GRID2: variants seen among roughly 807,000 people sequenced by gnomAD.
GRID2 encodes glutamate receptor ionotropic, delta-2.
GRID2 carries 33 observed loss-of-function variants against 114.8 expected under a neutral mutation model. That is an observed-to-expected ratio of 0.29 (90% CI 0.22 to 0.38). GRID2 has a LOEUF of 0.38. Among genes scored for constraint, GRID2 ranks in the 10% least tolerant of loss-of-function variants. The pLI is 1.00. For missense variants in GRID2, 1,184 were observed against 1,257.7 expected, an observed-to-expected ratio of 0.94 and a Z score of 0.89; for synonymous variants, 505 against 449.9, an observed-to-expected ratio of 1.12 and a Z score of -1.55.
intron 1 of GRID2, among the ~76,000 whole-genome samples, chr4:92,334,689 A>G (rs950402851): frequency 3.3e-5 from 5 of 152,178 alleles, no homozygotes; most frequent in African/African-American, 1.2e-4. Context: ...TCAGCTCTTA[A>G]AGGTCCCACC....
At chr4:93,179,632 A>G (rs1739694008) in intron 4 of GRID2, among the ~76,000 whole-genome samples, 1 of 152,222 alleles carries the variant, frequency 6.6e-6, no homozygotes, top group Admixed American at 6.6e-5. Flanking sequence ...AGTACCTTGT[A>G]CATATTAACT....
chr4:92,924,636 T>C (rs1170607014), intron 2 of GRID2, among the ~76,000 whole-genome samples: 1 of 152,116 alleles, frequency 6.6e-6, no homozygotes, highest in Non-Finnish European at 1.5e-5. Flanking sequence ...TGAGGTTATA[T>C]TTTTCTAGTT....
At chr4:93,744,836 A>C (rs936039768) in intron 14 of GRID2, among the ~76,000 whole-genome samples, 3 of 152,170 alleles carry the variant, frequency 2.0e-5, no homozygotes, top group Non-Finnish European at 4.4e-5. Flanking sequence ...CCTCATTGTT[A>C]TCTTACTTCA....
At chr4:93,588,428 T>C (rs1737763059) in intron 13 of GRID2, among the ~76,000 whole-genome samples, 1 of 152,152 alleles carries the variant, frequency 6.6e-6, no homozygotes, top group Non-Finnish European at 1.5e-5. Flanking sequence ...ATAGATAACC[T>C]ATAAGCCAAT....
At chr4:92,464,091 G>T (rs534947500) in intron 1 of GRID2, among the ~76,000 whole-genome samples, 1 of 151,874 alleles carries the variant, frequency 6.6e-6, no homozygotes, top group South Asian at 2.1e-4. Flanking sequence ...CTAAATTGTA[G>T]AGCATGTAAT....
chr4:93,617,169 A>C (rs145382221), intron 13 of GRID2, among the ~76,000 whole-genome samples: 4 of 152,224 alleles, frequency 2.6e-5, no homozygotes, highest in African/African-American at 9.6e-5. Context: ...AGAGGCCAAC[A>C]CGTCTGTTAG....
intron 8 of GRID2, among the ~76,000 whole-genome samples, chr4:93,260,513 A>C (rs558720799): frequency 2.6e-5 from 4 of 151,800 alleles, no homozygotes; most frequent in African/African-American, 9.6e-5. Context: ...AAAACAATTT[A>C]AGTTAATTTA....
At chr4:93,106,630 T>C (rs963815337) in intron 3 of GRID2, among the ~76,000 whole-genome samples, 6 of 152,188 alleles carry the variant, frequency 3.9e-5, no homozygotes, top group Non-Finnish European at 8.8e-5. Context: ...GAGTACTCTC[T>C]TTTTTAATGA....
At chr4:92,816,632 G>A (rs748298349) in intron 2 of GRID2, among the ~76,000 whole-genome samples, 30 of 152,060 alleles carry the variant, frequency 2.0e-4, no homozygotes, top group African/African-American at 5.1e-4. Context: ...GAAATGATGC[G>A]TAAATATTTG....
At chr4:92,444,936 T>C (rs1164510183) in intron 1 of GRID2, among the ~76,000 whole-genome samples, 1 of 152,184 alleles carries the variant, frequency 6.6e-6, no homozygotes, top group East Asian at 1.9e-4. Flanking sequence ...GAGAAATTAT[T>C]GGCTTAACAA....
chr4:93,665,432 T>C (rs1723864868), intron 14 of GRID2, among the ~76,000 whole-genome samples: 1 of 152,218 alleles, frequency 6.6e-6, no homozygotes, highest in African/African-American at 2.4e-5. Flanking sequence ...GTAGTGTTTT[T>C]ACTTCATTCA....
rs139108486 is a variant in GRID2, at chr4:93,550,856, A to G, written c.2193+35445A>G. Reference sequence around the variant, plus strand: ...AATATTTGAGATGCATATATTTTTTAGTGTAGTAATTTTTTCAAATTTTGT... The same window carrying G: ...AATATTTGAGATGCATATATTTTTTGGTGTAGTAATTTTTTCAAATTTTGT... On this transcript the variant is annotated intron_variant, in intron 13 of 15. Transcript: ENST00000282020. Among the ~76,000 whole-genome samples the G allele has an allele frequency of 1.4e-3, 217 of 152,282 alleles. 1 individual carries two copies. The highest frequency in any genetic ancestry group is 5.0e-3 in the African/African-American group (207 of 41,568).
intron 7 of GRID2, among the ~76,000 whole-genome samples, chr4:93,226,776 C>T (rs1561011594): frequency 6.6e-6 from 1 of 152,304 alleles, no homozygotes; most frequent in East Asian, 1.9e-4. Context: ...ACCCTGGAGA[C>T]AAGTCTCTGC....
Position 92,974,937 on chromosome 4 carries a change from C to T in GRID2, c.245-110058C>T, listed in dbSNP as rs1305128898. 2.0e-5 allele frequency among the ~76,000 whole-genome samples: 3 copies of T among 149,996 alleles called. 1 individual carries two copies. In the Admixed American group the frequency reaches 2.0e-4, roughly 10 times the overall value. Reference sequence around the variant, plus strand: ...CTTTGGGAGGCCGAGGCGGGCGGATCACAAGGTCAGGAGATCTACACCATC... The same window carrying T: ...CTTTGGGAGGCCGAGGCGGGCGGATTACAAGGTCAGGAGATCTACACCATC... On this transcript the variant is annotated intron_variant, in intron 2 of 15. Coordinates refer to ENST00000282020, the MANE Select transcript of GRID2 (RefSeq NM_001510.4).
intron 1 of GRID2, among the ~76,000 whole-genome samples, chr4:93,789,271 A>G (rs990806045): frequency 6.6e-6 from 1 of 152,244 alleles, no homozygotes; most frequent in African/African-American, 2.4e-5. Flanking sequence ...AGCAATTGTG[A>G]AATTTAAAAG....
chr4:93,425,308 T>G (rs1560606793), intron 10 of GRID2, among the ~76,000 whole-genome samples: 1 of 152,210 alleles, frequency 6.6e-6, no homozygotes, highest in Non-Finnish European at 1.5e-5. Context: ...GTTAAATCAC[T>G]ATCTGTTCTC....
intron 13 of GRID2, among the ~76,000 whole-genome samples, chr4:93,619,927 G>T (rs1742058950): frequency 6.6e-6 from 1 of 152,134 alleles, no homozygotes; most frequent in South Asian, 2.1e-4. Context: ...GCTATTCTAT[G>T]TCACATGCTT....
At chr4:92,991,282 A>G (rs1265187007) in intron 2 of GRID2, among the ~76,000 whole-genome samples, 2 of 152,198 alleles carry the variant, frequency 1.3e-5, no homozygotes, top group Non-Finnish European at 2.9e-5. Flanking sequence ...TAAAGGACAT[A>G]TACAGACTAT....
intron 1 of GRID2, among the ~76,000 whole-genome samples, chr4:92,322,969 A>T (rs573158294): frequency 2.0e-4 from 30 of 151,920 alleles, no homozygotes; most frequent in African/African-American, 7.0e-4. Context: ...CTTTATTATT[A>T]TTTTTTTGTC....
Sources: gnomAD v4.1 joint callset for allele counts (sites outside exome capture counted in the v4.1 genomes callset) on GRCh38, gnomAD v4.1.1 for gene constraint, MANE v1.5 for transcripts, NCBI Gene and HGNC (gene_info 2026-07-23, HGNC 2026-07-21) for gene names.